The following RXFP1 variants were observed in gnomAD, a reference collection of about 807,000 sequenced individuals.
RXFP1 encodes relaxin family peptide receptor 1, also known as relaxin receptor 1.
In RXFP1, 73 loss-of-function variants were observed where a neutral mutation model predicts 89.8. The observed-to-expected ratio is 0.81, with a 90% CI of 0.67 to 0.99. The LOEUF (loss-of-function observed/expected upper bound fraction) is 0.99. Ranked by LOEUF, RXFP1 falls within the 50% of genes least tolerant of loss-of-function variation. RXFP1 has a pLI of 0.00. For synonymous variants in RXFP1, 277 were observed against 305.5 expected, an observed-to-expected ratio of 0.91 and a Z score of 0.97; for missense variants, 793 against 895.5, an observed-to-expected ratio of 0.89 and a Z score of 1.46.
At chr4:158,543,384 TC>T (rs1221611971) in intron 1 of RXFP1, among the ~76,000 whole-genome samples, 3 of 152,228 alleles carry the variant, frequency 2.0e-5, no homozygotes, top group Non-Finnish European at 4.4e-5. Flanking sequence ...CAATGGCTTT[TC>T]CAAAAATTTC....
intron 1 of RXFP1, among the ~76,000 whole-genome samples, chr4:158,545,950 T>C (rs1000780357): frequency 1.2e-4 from 18 of 151,876 alleles, no homozygotes; most frequent in Non-Finnish European, 2.6e-4. Context: ...TTTCGTTCCA[T>C]ATGAACTTTA....
chr4:158,568,637 GA>G (rs111542334), intron 1 of RXFP1, among the ~76,000 whole-genome samples: 1 of 152,022 alleles, frequency 6.6e-6, no homozygotes, highest in African/African-American at 2.4e-5. Flanking sequence ...ACAATTGGTT[GA>G]AAAAAGATTA....
At position 158,538,172 on chromosome 4, in the gene RXFP1, T is replaced by G. The variant is rs1377578439; in HGVS notation, c.49+16147T>G. On this transcript the variant is annotated intron_variant, in intron 1 of 17. Transcript: ENST00000307765. ...AAAGGTAAAGGTTAAAAGTTTGGAT[T>G]TTATTCCAAGAACAATGGCATGTCA... Among the ~76,000 whole-genome samples the G allele has an allele frequency of 2.0e-5, 3 of 152,210 alleles. No homozygotes were observed. The East Asian group carries it at 5.8e-4, about 29-fold the overall frequency.
intron 7 of RXFP1, 22 bp from the exon 8 acceptor site, chr4:158,612,269 A>AT (rs1561125891): frequency 1.9e-6 from 3 of 1,607,236 alleles, no homozygotes; most frequent in Non-Finnish European, 2.5e-6. Flanking sequence ...AAATGAATTA[A>AT]TTTTTTTCTT....
At position 158,622,638 on chromosome 4, in the gene RXFP1, T is replaced by C. The variant is rs529268411; in HGVS notation, c.756-4182T>C. Among the ~76,000 whole-genome samples, 14 of 152,328 alleles carry C rather than the reference T, an allele frequency of 9.2e-5. No homozygotes were observed. In the South Asian group the frequency reaches 1.9e-3, roughly 20 times the overall value. On this transcript the variant is annotated intron_variant, in intron 9 of 17. Transcript: ENST00000307765. ...ACAGAAAGAAAAATACTGCGTAATC[T>C]CATTTATACGTGGAATTTCTTTTTA...
chr4:158,646,910 G>A lies in RXFP1; in HGVS notation c.1465G>A (p.Gly489Arg). 3 of 1,614,120 alleles carry A rather than the reference G, an allele frequency of 1.9e-6. No homozygotes were observed. The highest frequency in any genetic ancestry group is 2.5e-6 in the Non-Finnish European group (3 of 1,180,018). Residue 489 changes from glycine (G) to arginine (R), a missense_variant, in exon 16 of 18, where the codon GGA becomes AGA. Transcript: ENST00000307765. ...WMESTHCQLVGSLAILSTEVS... is the reference protein window; with the variant it reads ...WMESTHCQLVRSLAILSTEVS... ...GGAGAGTACTCATTGTCAGCTTGTA[G>A]GATCTTTGGCCATTCTGTCCACAGA...
At chr4:158,594,513 T>G (rs935032484) in intron 3 of RXFP1, among the ~76,000 whole-genome samples, 15 of 152,110 alleles carry the variant, frequency 9.9e-5, no homozygotes, top group South Asian at 2.1e-4. Flanking sequence ...TTTTTTTTTT[T>G]GCTGATCTTC....
At chr4:158,573,071 T>G (rs184307345) in intron 2 of RXFP1, 75 of 401,014 alleles carry the variant, frequency 1.9e-4, no homozygotes, top group African/African-American at 1.4e-3. Flanking sequence ...TGCAGTGGCG[T>G]GATCTCGGCT....
At position 158,647,193 on chromosome 4, in the gene RXFP1, T is replaced by C; in HGVS notation, c.1748T>C (p.Ile583Thr). The change falls in exon 16 of 18, where the codon ATT becomes ACT. Residue 583 changes from isoleucine to threonine, a missense_variant. Physicochemically the swap from Ile to Thr is moderately conservative, Grantham distance 89. Coordinates refer to ENST00000307765, the MANE Select transcript of RXFP1 (RefSeq NM_021634.4). ...SIGAQIYSVA[I>T]FLGINLAAFI... ...GGAGCCCAGATTTATTCAGTGGCAA[T>C]TTTTCTTGGTAAGAAACTAAGAAAC... 1 of 1,560,074 alleles carries C rather than the reference T, an allele frequency of 6.4e-7. No individual in the cohort carries two copies. The highest frequency in any genetic ancestry group is 2.3e-5 in the East Asian group (1 of 44,360).
intron 13 of RXFP1, 95 bp downstream of exon 13, chr4:158,638,174 T>G: frequency 1.4e-6 from 1 of 710,250 alleles, no homozygotes; most frequent in Non-Finnish European, 2.3e-6. Flanking sequence ...ATCATAAGCT[T>G]TATTTCCAAG....
intron 1 of RXFP1, among the ~76,000 whole-genome samples, chr4:158,550,447 GCACC>G (rs1560993325): frequency 6.6e-6 from 1 of 152,218 alleles, no homozygotes; most frequent in Admixed American, 6.5e-5. Flanking sequence ...CTGGTGCGCT[GCACC>G]CAGTGACCTG....
chr4:158,637,443 G>A (rs534846598), intron 12 of RXFP1, among the ~76,000 whole-genome samples: 1 of 152,230 alleles, frequency 6.6e-6, no homozygotes, highest in South Asian at 2.1e-4. Flanking sequence ...TCTAAAAGGT[G>A]TGAGGTAATA....
At chr4:158,586,739 A>G (rs1758374537) in intron 2 of RXFP1, among the ~76,000 whole-genome samples, 1 of 152,178 alleles carries the variant, frequency 6.6e-6, no homozygotes, top group South Asian at 2.1e-4. Context: ...AGAGGAAAAT[A>G]CTTTGGAAAG....
chr4:158,582,155 A>T (rs533459795), intron 2 of RXFP1, among the ~76,000 whole-genome samples: 1 of 152,278 alleles, frequency 6.6e-6, no homozygotes, highest in East Asian at 1.9e-4. Context: ...ACATTTCAGC[A>T]TGGGGTTGGG....
intron 1 of RXFP1, among the ~76,000 whole-genome samples, chr4:158,522,231 C>T (rs1741348995): frequency 6.6e-6 from 1 of 152,128 alleles, no homozygotes; most frequent in Admixed American, 6.6e-5. Context: ...AATAGTGAAG[C>T]GAGACTGATG....
chr4:158,548,082 C>A (rs751278065), intron 1 of RXFP1, among the ~76,000 whole-genome samples: 2 of 152,040 alleles, frequency 1.3e-5, no homozygotes, highest in South Asian at 4.2e-4. Flanking sequence ...TATGTGGGAG[C>A]CTAAGTCTCT....
chr4:158,605,058 T>C lies in RXFP1; in HGVS notation c.393-10T>C. 2 of 1,500,100 alleles carry C rather than the reference T, an allele frequency of 1.3e-6. No homozygotes were observed. The highest frequency in any genetic ancestry group is 1.8e-6 in the Non-Finnish European group (2 of 1,095,836). 92.9% of individuals were successfully genotyped at this position (1,500,100 alleles called of 1,614,324 possible). A position where few individuals can be genotyped will look rare whatever the true frequency, so the allele number is the denominator to read the frequency against. On this transcript the variant is annotated splice_polypyrimidine_tract_variant and intron_variant, in intron 4 of 17. Coordinates refer to ENST00000307765, the MANE Select transcript of RXFP1 (RefSeq NM_021634.4). Reference sequence around the variant, plus strand: ...ACAACTTTAAGAATCAAAATTTACATTTATTTCAGGTCACTTCAGTGGAAC... The same window carrying C: ...ACAACTTTAAGAATCAAAATTTACACTTATTTCAGGTCACTTCAGTGGAAC...
chr4:158,564,527 T>A (rs1753151232), intron 1 of RXFP1, among the ~76,000 whole-genome samples: 1 of 152,232 alleles, frequency 6.6e-6, no homozygotes, highest in Non-Finnish European at 1.5e-5. Flanking sequence ...AGAGACTCCA[T>A]GACAACTGTC....
chr4:158,647,217 A>C lies in RXFP1; in HGVS notation c.1756+16A>C. 6.5e-7 allele frequency: 1 copy of C among 1,535,378 alleles called. No homozygotes were observed. The highest frequency in any genetic ancestry group is 2.3e-5 in the East Asian group (1 of 44,232). ...ATTTTTCTTGGTAAGAAACTAAGAA[A>C]CTAATGTTCACAAATTTTTATTTCA... On this transcript the variant is annotated intron_variant, in intron 16 of 17. Coordinates refer to ENST00000307765, the MANE Select transcript of RXFP1 (RefSeq NM_021634.4).
Sources: gnomAD v4.1 joint callset for allele counts (sites outside exome capture counted in the v4.1 genomes callset) on GRCh38, gnomAD v4.1.1 for gene constraint, MANE v1.5 for transcripts, NCBI Gene and HGNC (gene_info 2026-07-23, HGNC 2026-07-21) for gene names.